LRRC3B: variants seen among roughly 807,000 people sequenced by gnomAD.
The protein encoded by LRRC3B is leucine-rich repeat-containing protein 3B.
In LRRC3B, 2 loss-of-function variants were observed where a neutral mutation model predicts 12.8. That is an observed-to-expected ratio of 0.16 (90% confidence interval 0.06 to 0.49). The LOEUF (loss-of-function observed/expected upper bound fraction) is 0.49, where lower values mean the gene tolerates loss of function less well. LRRC3B is among the 20% of genes least tolerant of loss of function. The probability of loss-of-function intolerance (pLI) is 0.96; values close to 1 mark genes in which losing one functional copy is unlikely to be tolerated. For missense variants in LRRC3B, 189 were observed against 319.4 expected, an observed-to-expected ratio of 0.59 and a Z score of 3.11; for synonymous variants, 132 against 122.0, an observed-to-expected ratio of 1.08 and a Z score of -0.54.
intron 1 of LRRC3B, among the ~76,000 whole-genome samples, chr3:26,686,710 A>G (rs1488393740): frequency 2.6e-5 from 4 of 152,200 alleles, no homozygotes; most frequent in African/African-American, 7.2e-5. Flanking sequence ...CTGAGATGGG[A>G]TTTGGCATGC....
chr3:26,660,081 A>C (rs139284948), intron 1 of LRRC3B, among the ~76,000 whole-genome samples: 2 of 152,028 alleles, frequency 1.3e-5, no homozygotes, highest in Non-Finnish European at 2.9e-5. Context: ...TTAGTAGGAG[A>C]AAATATAGGG....
chr3:26,705,775 C>A (rs747073461), intron 1 of LRRC3B, among the ~76,000 whole-genome samples: 1 of 152,098 alleles, frequency 6.6e-6, no homozygotes, highest in Non-Finnish European at 1.5e-5. Context: ...GAATATCCAC[C>A]TCTTTTTCTC....
At chr3:26,651,926 C>T (rs1699273155) in intron 1 of LRRC3B, among the ~76,000 whole-genome samples, 1 of 152,188 alleles carries the variant, frequency 6.6e-6, no homozygotes, top group South Asian at 2.1e-4. Flanking sequence ...AGAATAGCCA[C>T]TTTACAGAGG....
rs568846734 is a variant in LRRC3B at position 26,631,536 on chromosome 3, G to A, written c.-161+8299G>A. ...ATAAAGAGGGAACTGTGGTCATGGAGTGTTTCCTAAACAGATGGCTCATGT... is the reference window on the plus strand; with the variant it reads ...ATAAAGAGGGAACTGTGGTCATGGAATGTTTCCTAAACAGATGGCTCATGT... On this transcript the variant is annotated intron_variant, in intron 1 of 1. Coordinates refer to ENST00000396641, the Ensembl canonical transcript of LRRC3B. Among the ~76,000 whole-genome samples, 3 of 152,304 alleles carry A rather than the reference G, an allele frequency of 2.0e-5. No individual in the cohort carries two copies. The South Asian group carries it at 6.2e-4, about 32-fold the overall frequency.
Position 26,643,255 on chromosome 3 carries a change from AGTGT to A in LRRC3B, c.-161+20037_-161+20040del, listed in dbSNP as rs76915536. Among the ~76,000 whole-genome samples, 31 of 136,936 alleles carry A rather than the reference AGTGT, an allele frequency of 2.3e-4. 1 individual carries two copies. The highest frequency in any genetic ancestry group is 3.9e-3 in the Middle Eastern group (1 of 254). The allele number at this position is 136,936 out of a possible 152,430, so 89.8% of individuals were successfully genotyped here. A position where few individuals can be genotyped will look rare whatever the true frequency, so the allele number is the denominator to read the frequency against. On this transcript the variant is annotated intron_variant, in intron 1 of 1. Coordinates refer to ENST00000396641, the Ensembl canonical transcript of LRRC3B. ...GGTTTTGTATACACACATATGTGTG[AGTGT>A]GTGTGTGTGTGTGTGTGTATACATG...
At chr3:26,623,446 A>C (rs901928094) in intron 1 of LRRC3B, among the ~76,000 whole-genome samples, 2 of 152,156 alleles carry the variant, frequency 1.3e-5, no homozygotes, top group Non-Finnish European at 2.9e-5. Flanking sequence ...GCTCCTGTTC[A>C]GCCGGCTGCT....
At chr3:26,685,644 T>C (rs1276824626) in intron 1 of LRRC3B, among the ~76,000 whole-genome samples, 1 of 29,944 alleles carries the variant, frequency 3.3e-5, no homozygotes, top group African/African-American at 2.1e-4. Context: ...TCTATATACC[T>C]CATTTTTAAA....
At chr3:26,677,703 A>T (rs1239642909) in intron 1 of LRRC3B, among the ~76,000 whole-genome samples, 3 of 151,884 alleles carry the variant, frequency 2.0e-5, no homozygotes, top group Admixed American at 2.0e-4. Flanking sequence ...AACCAAAGAA[A>T]CACATGTATA....
intron 1 of LRRC3B, among the ~76,000 whole-genome samples, chr3:26,642,740 C>T (rs77630170): frequency 0.021 from 3,140 of 152,122 alleles, 107 homozygotes; most frequent in African/African-American, 0.072. Context: ...CAGAGTTGCC[C>T]GGGCGTGGTG....
chr3:26,694,297 G>A (rs1700255920), intron 1 of LRRC3B, among the ~76,000 whole-genome samples: 1 of 152,116 alleles, frequency 6.6e-6, no homozygotes. Flanking sequence ...CCTTCAGCAG[G>A]GAGCCAAATA....
At chr3:26,674,150 G>A (rs1487138358) in intron 1 of LRRC3B, among the ~76,000 whole-genome samples, 2 of 152,150 alleles carry the variant, frequency 1.3e-5, no homozygotes, top group Non-Finnish European at 2.9e-5. Flanking sequence ...GATTACTGAT[G>A]CTGTACTATC....
chr3:26,689,778 A>C (rs1033678299), intron 1 of LRRC3B, among the ~76,000 whole-genome samples: 2 of 152,182 alleles, frequency 1.3e-5, no homozygotes, highest in Non-Finnish European at 2.9e-5. Context: ...CTGAGCACAG[A>C]CTATATTATT....
chr3:26,658,850 T>C (rs1330292752), intron 1 of LRRC3B, among the ~76,000 whole-genome samples: 1 of 152,240 alleles, frequency 6.6e-6, no homozygotes, highest in Admixed American at 6.5e-5. Flanking sequence ...TAGATCATAC[T>C]GCATTTGAGT....
chr3:26,652,581 C>T (rs1000156058), intron 1 of LRRC3B, among the ~76,000 whole-genome samples: 11 of 152,132 alleles, frequency 7.2e-5, no homozygotes, highest in East Asian at 1.9e-4. Flanking sequence ...GCAGAGTCAA[C>T]GGTACATAAA....
At chr3:26,637,246 G>A (rs1299121949) in intron 1 of LRRC3B, among the ~76,000 whole-genome samples, 2 of 151,918 alleles carry the variant, frequency 1.3e-5, no homozygotes, top group African/African-American at 2.4e-5. Context: ...ACTGAGTGAG[G>A]GAAATGGCAT....
chr3:26,638,943 G>C (rs1439428258), intron 1 of LRRC3B, among the ~76,000 whole-genome samples: 1 of 152,210 alleles, frequency 6.6e-6, no homozygotes, highest in African/African-American at 2.4e-5. Flanking sequence ...TACCCTGAAG[G>C]TTGCTTTGTA....
intron 1 of LRRC3B, among the ~76,000 whole-genome samples, chr3:26,679,663 G>A (rs1699930372): frequency 6.6e-6 from 1 of 152,134 alleles, no homozygotes; most frequent in Admixed American, 6.5e-5. Flanking sequence ...TATTCCGCTT[G>A]GTAGTTATTA....
intron 1 of LRRC3B, among the ~76,000 whole-genome samples, chr3:26,647,528 A>G (rs1229588130): frequency 1.3e-5 from 2 of 152,202 alleles, no homozygotes; most frequent in Non-Finnish European, 2.9e-5. Flanking sequence ...AGAAATTATA[A>G]AACATTATGT....
chr3:26,710,504 T>C, exon 2 of LRRC3B: 1 of 1,488,916 alleles, frequency 6.7e-7, no homozygotes, highest in East Asian at 2.3e-5. Context: ...GCGATTGCAG[T>C]AGAAATAAGT....
Sources: allele counts gnomAD v4.1 joint callset (sites outside exome capture counted in the v4.1 genomes callset), GRCh38; gene constraint gnomAD v4.1.1; transcripts MANE v1.5; gene names NCBI Gene and HGNC (gene_info 2026-07-23, HGNC 2026-07-21).